The following MOB3A variants were observed in gnomAD, a reference collection of about 807,000 sequenced individuals.
The protein encoded by MOB3A is MOB kinase activator 3A, also known as MOB LAK.
In MOB3A, 17 loss-of-function variants were observed where a neutral mutation model predicts 17.8. The ratio of observed to expected loss-of-function variants is 0.95; its 90% CI spans 0.65 to 1.43. The LOEUF (loss-of-function observed/expected upper bound fraction) is 1.43, where lower values mean the gene tolerates loss of function less well. Ranked by LOEUF, MOB3A falls within the 40% of genes most tolerant of loss-of-function variation. The probability of loss-of-function intolerance (pLI) is 0.00; values close to 1 mark genes in which losing one functional copy is unlikely to be tolerated. For missense variants in MOB3A, 333 were observed against 310.8 expected (o/e 1.07, Z -0.54); for synonymous variants, 124 against 133.2 (o/e 0.93, Z 0.48).
chr19:2,085,226 TGGA>T lies in MOB3A; in HGVS notation c.-174_-172del, dbSNP rs902442312. 6.6e-6 allele frequency: 1 copy of T among 152,050 alleles called. No individual in the cohort carries two copies. Among genetic ancestry groups the T allele is most frequent in the African/African-American group, 2.4e-5 (1 of 41,372 alleles). 9.4% of individuals were successfully genotyped at this position (152,050 alleles called of 1,614,324 possible). A position where few individuals can be genotyped will look rare whatever the true frequency, so the allele number is the denominator to read the frequency against. ...TCTTCTCGGATTCCTCCAGGAACAG[TGGA>T]GAAGACAAGGCAGGAATCAGCTCTC... is the stretch of plus-strand genomic sequence containing the variant. On this transcript the variant is annotated 5_prime_UTR_variant, in exon 2 of 5. Coordinates refer to ENST00000357066, the MANE Select transcript of MOB3A (RefSeq NM_130807.3).
intron 1 of MOB3A, among the ~76,000 whole-genome samples, chr19:2,089,012 T>A (rs769475307): frequency 1.9e-4 from 29 of 152,210 alleles, no homozygotes; most frequent in Non-Finnish European, 4.3e-4. Flanking sequence ...CCATCCGTGT[T>A]TCTCCTGCTT....
At chr19:2,095,574 G>C (rs2017674673) in intron 1 of MOB3A, among the ~76,000 whole-genome samples, 1 of 152,136 alleles carries the variant, frequency 6.6e-6, no homozygotes, top group Admixed American at 6.5e-5. Flanking sequence ...GCAGGGCCAG[G>C]AGTTCACCCC....
At chr19:2,096,063 G>C (rs998081877) in intron 1 of MOB3A, among the ~76,000 whole-genome samples, 163 bp downstream of exon 1, 14 of 151,632 alleles carry the variant, frequency 9.2e-5, no homozygotes, top group African/African-American at 3.1e-4. Flanking sequence ...CTGAAGGCTC[G>C]GCCTCCCCGT....
chr19:2,092,324 C>T (rs1013210274), intron 1 of MOB3A, among the ~76,000 whole-genome samples: 2 of 151,962 alleles, frequency 1.3e-5, no homozygotes, highest in Non-Finnish European at 2.9e-5. Flanking sequence ...TGGTCTCAAA[C>T]TCCTGGGTTC....
At position 2,082,843 on chromosome 19, in the gene MOB3A, G is replaced by A. The variant is rs777793721; in HGVS notation, c.-120+2332C>T. ...CTTCCATTTTTAGAGACAGGTTCTC[G>A]CTCTGCTGCTCAGGCTAGAGTGCAG... On this transcript the variant is annotated intron_variant, in intron 2 of 4. Coordinates refer to ENST00000357066, the MANE Select transcript of MOB3A (RefSeq NM_130807.3). The surrounding 1 kb of genome is among the most constrained non-coding windows in gnomAD (Gnocchi z 4.1). Among the ~76,000 whole-genome samples, 11 of 152,106 alleles carry A rather than the reference G, an allele frequency of 7.2e-5. No individual in the cohort carries two copies. The highest frequency in any genetic ancestry group is 1.3e-4 in the Non-Finnish European group (9 of 68,016).
Position 2,078,254 on chromosome 19 carries a change from C to T in MOB3A, c.307G>A (p.Asp103Asn). ...GGPKYEYRWQ[D>N]EHKFRKPTAL... ...GTGGGCTTCCGGAACTTATGCTCAT[C>T]CTGCCAGCGGTACTCATACTTGGGG... is the stretch of plus-strand genomic sequence containing the variant. Residue 103 changes from aspartate (D) to asparagine (N), a missense_variant, in exon 3 of 5, where the codon GAT (aspartate) becomes AAT (asparagine). Transcript: ENST00000357066. 1 of 1,614,100 alleles carries T rather than the reference C, an allele frequency of 6.2e-7. No homozygotes were observed. Among genetic ancestry groups the T allele is most frequent in the Non-Finnish European group, 8.5e-7 (1 of 1,179,976 alleles).
At chr19:2,081,644 G>C (rs947786863) in intron 2 of MOB3A, among the ~76,000 whole-genome samples, 7 of 152,116 alleles carry the variant, frequency 4.6e-5, no homozygotes, top group African/African-American at 1.7e-4. Flanking sequence ...CCAGCACTTT[G>C]AGAGGCTGAG....
At chr19:2,074,002 G>C (rs1162092991) in intron 4 of MOB3A, among the ~76,000 whole-genome samples, 7 of 151,742 alleles carry the variant, frequency 4.6e-5, no homozygotes, top group Admixed American at 4.6e-4. Flanking sequence ...CTGCACTCCA[G>C]CCTGGGTGAC....
intron 4 of MOB3A, among the ~76,000 whole-genome samples, chr19:2,076,099 G>C (rs1484231011): frequency 6.8e-6 from 1 of 148,138 alleles, no homozygotes; most frequent in Non-Finnish European, 1.5e-5. Flanking sequence ...CTCCAGCCTG[G>C]GTGAGGGAGG....
chr19:2,076,416 A>T (rs1190648704), intron 4 of MOB3A, among the ~76,000 whole-genome samples: 1 of 152,214 alleles, frequency 6.6e-6, no homozygotes, highest in African/African-American at 2.4e-5. Context: ...TGGGTGACAG[A>T]GTGAGACTCC....
At position 2,076,829 on chromosome 19, in the gene MOB3A, G is replaced by A. The variant is rs1458910339; in HGVS notation, c.606C>T (p.Thr202=). ...YFVKEFGLID[T]KELEPLKEMT... Reference sequence around the variant, plus strand: ...CGCGCACCAGTGGCTCCAGCTCCTTGGTGTCGATGAGGCCGAACTCCTTGA... The same window carrying A: ...CGCGCACCAGTGGCTCCAGCTCCTTAGTGTCGATGAGGCCGAACTCCTTGA... Residue 202 remains threonine (T), a synonymous_variant, in exon 4 of 5, where the codon ACC becomes ACT. Coordinates refer to ENST00000357066, the MANE Select transcript of MOB3A (RefSeq NM_130807.3). The A allele has an allele frequency of 6.2e-7, 1 of 1,613,850 alleles. No homozygotes were observed.
At chr19:2,087,618 G>A (rs184364486) in intron 1 of MOB3A, among the ~76,000 whole-genome samples, 2 of 152,328 alleles carry the variant, frequency 1.3e-5, no homozygotes, top group Admixed American at 1.3e-4. Context: ...TTGTGCCACT[G>A]CACTGCAGCC....
In MOB3A at chr19:2,090,496, G is replaced by T. The variant is rs898032345; in HGVS notation, c.-273-5168C>A. Reference sequence around the variant, plus strand: ...CTGGCATGGAGTGGGTGGAGGCCAGGAACGCTACTCAGCACCCTGCAGTGC... The same window carrying T: ...CTGGCATGGAGTGGGTGGAGGCCAGTAACGCTACTCAGCACCCTGCAGTGC... On this transcript the variant is annotated intron_variant, in intron 1 of 4. Transcript: ENST00000357066. 1.4e-4 allele frequency among the ~76,000 whole-genome samples: 22 copies of T among 152,090 alleles called. No homozygotes were observed. The South Asian group carries it at 1.7e-3, about 11-fold the overall frequency.
chr19:2,084,460 A>G (rs1050562070), intron 2 of MOB3A, among the ~76,000 whole-genome samples: 4 of 151,774 alleles, frequency 2.6e-5, no homozygotes, highest in African/African-American at 9.7e-5. Flanking sequence ...ACGCCACTGC[A>G]CTCCAGCCCT....
At chr19:2,085,431 C>T (rs1036827359) in intron 1 of MOB3A, 103 bp from the exon 2 acceptor site, 14 of 151,426 alleles carry the variant, frequency 9.2e-5, no homozygotes, top group African/African-American at 3.2e-4. Flanking sequence ...CTGGTATGAC[C>T]CCTCCCCCAC....
At chr19:2,075,404 G>T (rs1358472321) in intron 4 of MOB3A, among the ~76,000 whole-genome samples, 2 of 152,208 alleles carry the variant, frequency 1.3e-5, no homozygotes, top group East Asian at 3.9e-4. Flanking sequence ...GGAGGCCAAG[G>T]TGGGAGGATT....
rs1176676602 is a variant in MOB3A at position 2,078,281 on chromosome 19, C to T, written c.280G>A (p.Gly94Ser). 1.2e-6 allele frequency: 2 copies of T among 1,614,126 alleles called. No individual in the cohort carries two copies. The highest frequency in any genetic ancestry group is 1.7e-6 in the Non-Finnish European group (2 of 1,180,012). Residue 94 changes from glycine to serine, a missense_variant, in exon 3 of 5, where the codon GGC becomes AGC. Physicochemically the swap from Gly to Ser is moderately conservative, Grantham distance 56. Transcript: ENST00000357066. The part of the protein sequence containing the change: ...TEQSCPVMSG[G>S]PKYEYRWQDE... Reference sequence around the variant, plus strand: ...TGCCAGCGGTACTCATACTTGGGGCCCCCCGACATGACGGGGCAGGACTGC... The same window carrying T: ...TGCCAGCGGTACTCATACTTGGGGCTCCCCGACATGACGGGGCAGGACTGC...
intron 4 of MOB3A, among the ~76,000 whole-genome samples, chr19:2,076,408 G>A (rs112181882): frequency 0.011 from 1,658 of 152,282 alleles, 27 homozygotes; most frequent in African/African-American, 0.038. Context: ...CTCCAGCCTG[G>A]GTGACAGAGT....
In MOB3A at chr19:2,082,092, C is replaced by G. The variant is rs2144926066; in HGVS notation, c.-120+3083G>C. ...CAGTGACCAGAAAGGCCTGAACTTC[C>G]CCAGCCCATCCTGGGGCCCTTAGCC... is the stretch of plus-strand genomic sequence containing the variant. On this transcript the variant is annotated intron_variant, in intron 2 of 4. Transcript: ENST00000357066. This position sits in a 1 kb window ranked among gnomAD's most constrained non-coding sequence, Gnocchi z 4.1. Among the ~76,000 whole-genome samples, 1 of 152,218 alleles carries G rather than the reference C, an allele frequency of 6.6e-6. No homozygotes were observed. Among genetic ancestry groups the G allele is most frequent in the South Asian group, 2.1e-4 (1 of 4,830 alleles).
Sources: gnomAD v4.1 joint callset for allele counts (sites outside exome capture counted in the v4.1 genomes callset) on GRCh38, gnomAD v4.1.1 for gene constraint, Gnocchi (gnomAD v3.1) non-coding constraint, MANE v1.5 for transcripts, NCBI Gene and HGNC (gene_info 2026-07-23, HGNC 2026-07-21) for gene names.